The following RC3H2 variants were observed in gnomAD, a reference collection of about 807,000 sequenced individuals.
The protein encoded by RC3H2 is ring finger and CCCH-type domains 2.
RC3H2 carries 31 observed loss-of-function variants against 133.3 expected under a neutral mutation model. The ratio of observed to expected loss-of-function variants is 0.23; its 90% confidence interval spans 0.17 to 0.31. The LOEUF (loss-of-function observed/expected upper bound fraction) is 0.31, where lower values mean the gene tolerates loss of function less well. Among genes scored for constraint, RC3H2 ranks in the 10% least tolerant of loss-of-function variants. The pLI, the probability that RC3H2 is intolerant of heterozygous loss-of-function variation, is 1.00. For missense variants in RC3H2, 1,175 were observed against 1,437.2 expected, an observed-to-expected ratio of 0.82 and a Z score of 2.95; for synonymous variants, 517 against 502.2, an observed-to-expected ratio of 1.03 and a Z score of -0.40.
chr9:122,880,733 T>A lies in RC3H2; in HGVS notation c.821A>T (p.Glu274Val), dbSNP rs751620005. 6.2e-7 allele frequency: 1 copy of A among 1,614,068 alleles called. No homozygotes were observed. The highest frequency in any genetic ancestry group is 8.5e-7 in the Non-Finnish European group (1 of 1,179,930). ...GGCATCATGTTCTCTGCGTAATGCT[T>A]CATAACTCCGAAATTCCTCCTTCAG... ...MQLKEEFRSY[E>V]ALRREHDAQI... Residue 274 changes from glutamate to valine, a missense_variant, in exon 6 of 21, where the codon GAA (glutamate) becomes GTA (valine). Glu to Val is a moderately radical substitution (Grantham distance 121, BLOSUM62 -2). Around this residue, in one of 8 missense-constraint regions of RC3H2, gnomAD observed 121 missense variants for 243.5 expected, o/e 0.50. Coordinates refer to ENST00000357244, the MANE Select transcript of RC3H2 (RefSeq NM_001100588.3).
chr9:122,893,831 G>A (rs1003744410), intron 2 of RC3H2, among the ~76,000 whole-genome samples: 4 of 151,974 alleles, frequency 2.6e-5, no homozygotes, highest in African/African-American at 9.7e-5. Flanking sequence ...CTCATTCAAA[G>A]GTCAAAACTT....
chr9:122,896,828 G>C (rs767537117), intron 2 of RC3H2, among the ~76,000 whole-genome samples: 2 of 151,818 alleles, frequency 1.3e-5, no homozygotes, highest in African/African-American at 4.8e-5. Context: ...CTCCAGACCA[G>C]CCTGGCCAAC....
At position 122,905,256 on chromosome 9, in the gene RC3H2, C is replaced by A. The variant is rs1344669473; in HGVS notation, c.-214G>T. ...ACTCCATCGGGAGCTACAGGGACAG[C>A]CCCGTTGGCGGCGGCGAAGGCCGCG... On this transcript the variant is annotated 5_prime_UTR_variant, in exon 1 of 21. Transcript: ENST00000357244. 9.1e-6 allele frequency: 9 copies of A among 985,798 alleles called. No homozygotes were observed. Among genetic ancestry groups the A allele is most frequent in the South Asian group, 4.7e-5 (1 of 21,302 alleles). The allele number at this position is 985,798 out of a possible 1,614,324, so 61.1% of individuals were successfully genotyped here. A position where few individuals can be genotyped will look rare whatever the true frequency, so the allele number is the denominator to read the frequency against.
chr9:122,894,565 G>A (rs1026435646), intron 2 of RC3H2, among the ~76,000 whole-genome samples: 1 of 152,076 alleles, frequency 6.6e-6, no homozygotes, highest in Admixed American at 6.6e-5. Flanking sequence ...TGAGAACTGT[G>A]AGATATGAAT....
intron 4 of RC3H2, chr9:122,890,072 T>C: frequency 1.7e-6 from 1 of 595,630 alleles, no homozygotes; most frequent in South Asian, 2.1e-5. Context: ...AGCATGGATG[T>C]CGAGGCTGCA....
chr9:122,902,341 C>A (rs1832689600), intron 1 of RC3H2, among the ~76,000 whole-genome samples: 1 of 152,190 alleles, frequency 6.6e-6, no homozygotes, highest in Non-Finnish European at 1.5e-5. Flanking sequence ...ATAACTTCAT[C>A]CTTCATATTA....
rs1289813263 is a variant in RC3H2, at chr9:122,844,835, G to C, written c.*4792C>G. ...TCCCCCATTTAATCCTATTCCTATA[G>C]CACAAAGGGAAACATTACAATTTGG... is the stretch of plus-strand genomic sequence containing the variant. On this transcript the variant is annotated 3_prime_UTR_variant, in exon 21 of 21. Transcript: ENST00000357244. 6.6e-6 allele frequency: 1 copy of C among 151,528 alleles called. No individual in the cohort carries two copies. Among genetic ancestry groups the C allele is most frequent in the Non-Finnish European group, 1.5e-5 (1 of 67,954 alleles). 9.4% of individuals were successfully genotyped at this position (151,528 alleles called of 1,614,324 possible). A position where few individuals can be genotyped will look rare whatever the true frequency, so the allele number is the denominator to read the frequency against.
chr9:122,852,936 G>C (rs1186070209), intron 18 of RC3H2, among the ~76,000 whole-genome samples: 2 of 152,200 alleles, frequency 1.3e-5, no homozygotes, highest in African/African-American at 2.4e-5. Flanking sequence ...TTGTGGAATA[G>C]AAAGGGGGGA....
chr9:122,864,530 T>C (rs1830566893), intron 10 of RC3H2, among the ~76,000 whole-genome samples: 1 of 152,060 alleles, frequency 6.6e-6, no homozygotes, highest in Non-Finnish European at 1.5e-5. Context: ...TAAACTAAGG[T>C]AGACAGATTA....
At chr9:122,850,240 G>A (rs1564279517) in intron 20 of RC3H2, among the ~76,000 whole-genome samples, 1 of 151,970 alleles carries the variant, frequency 6.6e-6, no homozygotes. Context: ...CTCCCAAAGT[G>A]CTGGGATTAC....
intron 9 of RC3H2, 81 bp from the exon 10 acceptor site, chr9:122,865,738 A>T: frequency 1.7e-6 from 2 of 1,204,192 alleles, no homozygotes; most frequent in Non-Finnish European, 2.3e-6. Flanking sequence ...GGCAATGGGA[A>T]TAGATTGAAA....
At chr9:122,857,636 G>A (rs1830295794) in intron 13 of RC3H2, among the ~76,000 whole-genome samples, 1 of 152,164 alleles carries the variant, frequency 6.6e-6, no homozygotes, top group African/African-American at 2.4e-5. Context: ...ATGAGTAGGT[G>A]CTCAATAAAT....
chr9:122,902,528 A>G (rs1214772049), intron 1 of RC3H2, among the ~76,000 whole-genome samples: 1 of 152,100 alleles, frequency 6.6e-6, no homozygotes, highest in Admixed American at 6.5e-5. Context: ...GTAATTTTTA[A>G]TTTTCTGGTA....
At position 122,877,139 on chromosome 9, in the gene RC3H2, C is replaced by T. The variant is rs373726861; in HGVS notation, c.1325+332G>A. Reference sequence around the variant, plus strand: ...AGGCTGGAGTGCAGTGGTGTGAACACACTCACTGCAGCCTTGACCTATGGG... The same window carrying T: ...AGGCTGGAGTGCAGTGGTGTGAACATACTCACTGCAGCCTTGACCTATGGG... On this transcript the variant is annotated intron_variant, in intron 9 of 20. Transcript: ENST00000357244. Among the ~76,000 whole-genome samples, 29 of 152,258 alleles carry T rather than the reference C, an allele frequency of 1.9e-4. No homozygotes were observed. The East Asian group carries it at 5.0e-3, about 26-fold the overall frequency.
chr9:122,875,016 C>A, intron 9 of RC3H2: 1 of 773,398 alleles, frequency 1.3e-6, no homozygotes, highest in Non-Finnish European at 1.9e-6. Flanking sequence ...TTTAGTCGAA[C>A]TTTCTCAAAA....
intron 1 of RC3H2, among the ~76,000 whole-genome samples, chr9:122,898,435 GA>G (rs1202218545): frequency 2.0e-5 from 3 of 152,078 alleles, no homozygotes; most frequent in Non-Finnish European, 4.4e-5. Flanking sequence ...AACAGTGAGA[GA>G]ATTTTTCTTA....
At chr9:122,853,109 T>C (rs1248777749) in intron 18 of RC3H2, among the ~76,000 whole-genome samples, 1 of 152,062 alleles carries the variant, frequency 6.6e-6, no homozygotes, top group Non-Finnish European at 1.5e-5. Flanking sequence ...CTGAAACATG[T>C]GCTGTGTCCA....
chr9:122,860,251 G>A, intron 10 of RC3H2, 120 bp from the exon 11 acceptor site: 1 of 706,024 alleles, frequency 1.4e-6, no homozygotes, highest in Non-Finnish European at 2.4e-6. Context: ...TTCAGACATT[G>A]CCACATTGAC....
In RC3H2 at chr9:122,858,825, A is replaced by C. The variant is rs775865546; in HGVS notation, c.2127T>G (p.Asp709Glu). The change falls in exon 12 of 21, where the codon GAT becomes GAG. Residue 709 changes from aspartate to glutamate, a missense_variant. Asp to Glu is a conservative substitution (Grantham distance 45). Coordinates refer to ENST00000357244, the MANE Select transcript of RC3H2 (RefSeq NM_001100588.3). The part of the protein sequence containing the change: ...RIWRPPMYQR[D>E]DIIRSNSLPP... ...GTAAAGAATTGCTTCTAATAATGTC[A>C]TCTCGTTGGTACATAGGTGGGCGCC... 1.9e-6 allele frequency: 3 copies of C among 1,614,284 alleles called. No homozygotes were observed. Among genetic ancestry groups the C allele is most frequent in the Admixed American group, 3.3e-5 (2 of 60,036 alleles).
Sources: gnomAD v4.1 joint callset for allele counts (sites outside exome capture counted in the v4.1 genomes callset) on GRCh38, gnomAD v4.1.1 for gene constraint, gnomAD v4.1.1 regional missense constraint, MANE v1.5 for transcripts, NCBI Gene and HGNC (gene_info 2026-07-23, HGNC 2026-07-21) for gene names.